GALNT8: variants seen among roughly 807,000 people sequenced by gnomAD.
The protein encoded by GALNT8 is polypeptide N-acetylgalactosaminyltransferase 8, also known as probable polypeptide N-acetylgalactosaminyltransferase 8.
GALNT8 carries 66 observed loss-of-function variants against 62.7 expected under a neutral mutation model. The ratio of observed to expected loss-of-function variants is 1.05; its 90% CI spans 0.86 to 1.29. The LOEUF is 1.29. Among genes scored for constraint, GALNT8 ranks in the 50% most tolerant of loss-of-function variants. The pLI is 0.00. For missense variants in GALNT8, 771 were observed against 791.8 expected, an observed-to-expected ratio of 0.97 and a Z score of 0.32; for synonymous variants, 288 against 294.3, an observed-to-expected ratio of 0.98 and a Z score of 0.22.
At chr12:4,721,978 G>A (rs979262125) in intron 1 of GALNT8, among the ~76,000 whole-genome samples, 4 of 151,624 alleles carry the variant, frequency 2.6e-5, no homozygotes, top group Admixed American at 1.3e-4. Context: ...CTGCCTTCAA[G>A]CATCTGTTTA....
chr12:4,750,304 G>A (rs574432368), intron 6 of GALNT8, among the ~76,000 whole-genome samples: 22 of 152,006 alleles, frequency 1.4e-4, no homozygotes, highest in African/African-American at 4.6e-4. Context: ...CCTAGTCTCC[G>A]TTAGTTATTT....
At chr12:4,743,090 A>G (rs1030454217) in intron 3 of GALNT8, among the ~76,000 whole-genome samples, 2 of 152,208 alleles carry the variant, frequency 1.3e-5, no homozygotes, top group African/African-American at 4.8e-5. Flanking sequence ...GGGCTTAAGC[A>G]CTGATCTGCC....
rs761716338 is a variant in GALNT8 at position 4,726,523 on chromosome 12, C to G, written c.212-9C>G. 1.3e-5 allele frequency: 21 copies of G among 1,603,428 alleles called. No individual in the cohort carries two copies. The South Asian group carries it at 2.2e-4, about 17-fold the overall frequency. ...TTTTCTCTCCCACCCCTGTCCTCTTCATTTGCAGAAGAAAGTATGAAATTA... is the reference window on the plus strand; with the variant it reads ...TTTTCTCTCCCACCCCTGTCCTCTTGATTTGCAGAAGAAAGTATGAAATTA... On this transcript the variant is annotated splice_polypyrimidine_tract_variant and intron_variant, in intron 1 of 10. Coordinates refer to ENST00000252318, the MANE Select transcript of GALNT8 (RefSeq NM_017417.2). The surrounding 1 kb of genome is among the most constrained non-coding windows in gnomAD (Gnocchi z 4.1).
chr12:4,760,916 T>C, intron 6 of GALNT8, 42 bp from the exon 7 acceptor site: 1 of 1,552,222 alleles, frequency 6.4e-7, no homozygotes, highest in East Asian at 2.2e-5. Context: ...ATGCAATTCA[T>C]TGGCTGTGAA....
intron 6 of GALNT8, among the ~76,000 whole-genome samples, chr12:4,757,220 G>A (rs1946349383): frequency 6.6e-6 from 1 of 152,184 alleles, no homozygotes; most frequent in African/African-American, 2.4e-5. Context: ...CTCTATGGCA[G>A]TGTGAAAACA....
chr12:4,754,974 G>A (rs1318544651), intron 6 of GALNT8, among the ~76,000 whole-genome samples: 1 of 152,192 alleles, frequency 6.6e-6, no homozygotes, highest in African/African-American at 2.4e-5. Flanking sequence ...CCAAGATGCA[G>A]TCAAAGTCCT....
intron 10 of GALNT8, among the ~76,000 whole-genome samples, chr12:4,766,970 TAGA>T (rs1946402877): frequency 6.6e-6 from 1 of 151,630 alleles, no homozygotes; most frequent in Non-Finnish European, 1.5e-5. Flanking sequence ...CAATATCAAT[TAGA>T]AGGAGGAGGG....
intron 7 of GALNT8, among the ~76,000 whole-genome samples, chr12:4,762,703 T>G (rs1946378423): frequency 6.6e-6 from 1 of 152,260 alleles, no homozygotes. Context: ...ATATCAAGGT[T>G]ACTTCACAGG....
At chr12:4,750,482 A>G (rs1946317718) in intron 6 of GALNT8, among the ~76,000 whole-genome samples, 2 of 152,274 alleles carry the variant, frequency 1.3e-5, no homozygotes, top group African/African-American at 4.8e-5. Flanking sequence ...GCTAAGGATA[A>G]TGGCCTCCAG....
At chr12:4,728,677 G>A (rs1946207261) in intron 2 of GALNT8, among the ~76,000 whole-genome samples, 1 of 152,022 alleles carries the variant, frequency 6.6e-6, no homozygotes, top group African/African-American at 2.4e-5. Flanking sequence ...TAAATGTAAG[G>A]GTTTATTTCT....
chr12:4,737,838 C>CT (rs138985577), intron 2 of GALNT8, among the ~76,000 whole-genome samples: 1,618 of 152,258 alleles, frequency 0.011, 33 homozygotes, highest in African/African-American at 0.037. Context: ...TGTGTGATAC[C>CT]TTCTGCCATG....
rs1309099494 is a variant in GALNT8, at chr12:4,772,565, G to A, written c.1882G>A (p.Val628Ile). Residue 628 changes from valine to isoleucine, a missense_variant, in exon 11 of 11, where the codon GTC (valine) becomes ATC (isoleucine). Transcript: ENST00000252318. ...STQVWEIQHT[V>I]RDWGQTNSQ ...GCAAGTGTGGGAAATCCAGCACACT[G>A]TCAGAGACTGGGGTCAGACCAACAG... 2 of 1,613,902 alleles carry A rather than the reference G, an allele frequency of 1.2e-6. No homozygotes were observed. The highest frequency in any genetic ancestry group is 1.1e-5 in the South Asian group (1 of 91,070).
At chr12:4,727,410 G>A (rs1946201120) in intron 2 of GALNT8, among the ~76,000 whole-genome samples, 2 of 151,926 alleles carry the variant, frequency 1.3e-5, no homozygotes, top group Non-Finnish European at 2.9e-5. Flanking sequence ...GCAATGTAAT[G>A]TTTTTCAGTA....
chr12:4,723,444 C>T (rs1267133134), intron 1 of GALNT8, among the ~76,000 whole-genome samples: 1 of 152,142 alleles, frequency 6.6e-6, no homozygotes, highest in East Asian at 1.9e-4. Context: ...AGCACCCAGA[C>T]CACACCAGGA....
At chr12:4,753,088 A>G (rs1224979786) in intron 6 of GALNT8, among the ~76,000 whole-genome samples, 1 of 152,062 alleles carries the variant, frequency 6.6e-6, no homozygotes, top group African/African-American at 2.4e-5. Flanking sequence ...TGCTTTTAGC[A>G]TCCTTTCTTT....
chr12:4,745,716 T>C (rs755170870), intron 5 of GALNT8, 90 bp downstream of exon 5: 11 of 970,498 alleles, frequency 1.1e-5, no homozygotes, highest in African/African-American at 1.6e-5. Context: ...GTGGTAGTAA[T>C]TGGGGTGACG....
intron 10 of GALNT8, chr12:4,768,616 A>G (rs1169999916): frequency 4.2e-6 from 1 of 239,644 alleles, no homozygotes; most frequent in Non-Finnish European, 8.5e-6. Context: ...CAACCATTCT[A>G]ACATACAGGC....
intron 6 of GALNT8, among the ~76,000 whole-genome samples, chr12:4,760,287 A>T (rs1447543836): frequency 6.6e-6 from 1 of 152,224 alleles, no homozygotes; most frequent in Admixed American, 6.5e-5. Flanking sequence ...GCTGGGTATC[A>T]GTTGGAAGCC....
chr12:4,734,529 A>G (rs1292914845), intron 2 of GALNT8, among the ~76,000 whole-genome samples: 1 of 152,084 alleles, frequency 6.6e-6, no homozygotes, highest in African/African-American at 2.4e-5. Context: ...TGAGGAAATC[A>G]GATTGAAAGT....
Sources: allele counts gnomAD v4.1 joint callset (sites outside exome capture counted in the v4.1 genomes callset), GRCh38; gene constraint gnomAD v4.1.1; non-coding constraint Gnocchi (gnomAD v3.1); transcripts MANE v1.5; gene names NCBI Gene and HGNC (gene_info 2026-07-23, HGNC 2026-07-21).